The following PPP6R3 variants were observed in gnomAD, a reference collection of about 807,000 sequenced individuals.
The protein encoded by PPP6R3 is serine/threonine-protein phosphatase 6 regulatory subunit 3.
A neutral mutation model predicts 110.7 loss-of-function variants in PPP6R3; 38 were observed. The ratio of observed to expected loss-of-function variants is 0.34; its 90% CI spans 0.26 to 0.45. PPP6R3 has a LOEUF of 0.45. Ranked by LOEUF, PPP6R3 falls within the 20% of genes least tolerant of loss-of-function variation. PPP6R3 has a pLI of 1.00. For synonymous variants in PPP6R3, 369 were observed against 373.5 expected (o/e 0.99, Z 0.14); for missense variants, 870 against 1,062.4 (o/e 0.82, Z 2.52).
chr11:68,573,134 A>ATATATATATATATG (rs1555173986), intron 12 of PPP6R3, among the ~76,000 whole-genome samples: 5 of 109,450 alleles, frequency 4.6e-5, no homozygotes, highest in African/African-American at 2.0e-4. Flanking sequence ...ATATATATAT[A>ATATATATATATATG]TATATATATA....
chr11:68,549,246 C>T (rs573571481), intron 5 of PPP6R3, among the ~76,000 whole-genome samples: 4 of 152,324 alleles, frequency 2.6e-5, no homozygotes, highest in Non-Finnish European at 5.9e-5. Flanking sequence ...TCAGTCTATC[C>T]GTCTTTAATA....
intron 1 of PPP6R3, among the ~76,000 whole-genome samples, chr11:68,480,534 G>A (rs1322950018): frequency 2.0e-5 from 3 of 152,208 alleles, no homozygotes; most frequent in Non-Finnish European, 4.4e-5. Flanking sequence ...GTTTTTATCA[G>A]CCTAGCTTTG....
chr11:68,537,362 G>A (rs982605611), intron 2 of PPP6R3, among the ~76,000 whole-genome samples: 25 of 152,064 alleles, frequency 1.6e-4, no homozygotes, highest in African/African-American at 5.6e-4. Context: ...TCCTTTCCCA[G>A]CATCACTTCT....
intron 1 of PPP6R3, among the ~76,000 whole-genome samples, chr11:68,475,866 C>T (rs542984147): frequency 3.4e-5 from 5 of 147,330 alleles, no homozygotes; most frequent in East Asian, 4.1e-4. Context: ...CAGATGGGAT[C>T]GCGGACGGGC....
intron 1 of PPP6R3, among the ~76,000 whole-genome samples, chr11:68,461,345 G>A (rs1242420741): frequency 6.6e-6 from 1 of 152,142 alleles, no homozygotes; most frequent in African/African-American, 2.4e-5. Flanking sequence ...AAGTTTTGTG[G>A]GTTTCTGTTA....
rs186744682 is a variant in PPP6R3, at chr11:68,594,011, C to G, written c.1917-2086C>G. On this transcript the variant is annotated intron_variant, in intron 18 of 23. Coordinates refer to ENST00000393800, the MANE Select transcript of PPP6R3 (RefSeq NM_001164161.2). Reference sequence around the variant, plus strand: ...AAAAAATGAGGCCTAATTAATGCTGCCTATGGGAAATGATTTAAATACAAA... The same window carrying G: ...AAAAAATGAGGCCTAATTAATGCTGGCTATGGGAAATGATTTAAATACAAA... Among the ~76,000 whole-genome samples, 262 of 151,954 alleles carry G rather than the reference C, an allele frequency of 1.7e-3. 1 individual carries two copies. The highest frequency in any genetic ancestry group is 6.0e-3 in the African/African-American group (249 of 41,436).
intron 1 of PPP6R3, among the ~76,000 whole-genome samples, chr11:68,516,064 T>C (rs973821958): frequency 6.6e-6 from 1 of 152,226 alleles, no homozygotes; most frequent in East Asian, 1.9e-4. Context: ...TACATAGTCT[T>C]CTGCCTTTAT....
At chr11:68,564,942 A>G (rs1302028320) in intron 9 of PPP6R3, among the ~76,000 whole-genome samples, 1 of 152,196 alleles carries the variant, frequency 6.6e-6, no homozygotes, top group Non-Finnish European at 1.5e-5. Flanking sequence ...AAGACCCACA[A>G]GAGTTTTGTC....
intron 2 of PPP6R3, among the ~76,000 whole-genome samples, chr11:68,529,342 C>G (rs1209731019): frequency 6.6e-6 from 1 of 152,138 alleles, no homozygotes; most frequent in Non-Finnish European, 1.5e-5. Context: ...CCTCAACCTC[C>G]CAAGTAGCTG....
chr11:68,569,180 T>C lies in PPP6R3; in HGVS notation c.1129-568T>C, dbSNP rs185135228. On this transcript the variant is annotated intron_variant, in intron 10 of 23. Transcript: ENST00000393800. Reference sequence around the variant, plus strand: ...AGAAACGTACTCTTGTCTTTGTATGTTTGTTGTTGGTTTTTTACTAGATTC... The same window carrying C: ...AGAAACGTACTCTTGTCTTTGTATGCTTGTTGTTGGTTTTTTACTAGATTC... 1.5e-4 allele frequency among the ~76,000 whole-genome samples: 23 copies of C among 152,250 alleles called. No individual in the cohort carries two copies. The East Asian group carries it at 2.1e-3, about 14-fold the overall frequency.
At chr11:68,508,040 TAA>T (rs61408383) in intron 1 of PPP6R3, among the ~76,000 whole-genome samples, 56,945 of 142,432 alleles carry the variant, frequency 0.4, 12,166 homozygotes, top group African/African-American at 0.58. Flanking sequence ...ACCTCATGTG[TAA>T]AAAAAAAAAA....
At position 68,551,117 on chromosome 11, in the gene PPP6R3, A is replaced by G; in HGVS notation, c.553-4A>G. 1 of 1,598,496 alleles carries G rather than the reference A, an allele frequency of 6.3e-7. No homozygotes were observed. The highest frequency in any genetic ancestry group is 1.3e-5 in the African/African-American group (1 of 74,654). ...TATGATTACTTCTACAATGTGTTTT[A>G]CAGTGGTTAAATGAGGAGAAAATTA... On this transcript the variant is annotated splice_polypyrimidine_tract_variant and splice_region_variant and intron_variant, in intron 5 of 23. Coordinates refer to ENST00000393800, the MANE Select transcript of PPP6R3 (RefSeq NM_001164161.2).
intron 2 of PPP6R3, among the ~76,000 whole-genome samples, chr11:68,531,721 G>T (rs1157488152): frequency 6.6e-6 from 1 of 152,160 alleles, no homozygotes; most frequent in African/African-American, 2.4e-5. Context: ...GCCTGAGTGT[G>T]TGTATGTTGG....
At chr11:68,571,324 C>T (rs2099505492) in intron 12 of PPP6R3, 9 of 549,300 alleles carry the variant, frequency 1.6e-5, no homozygotes, top group Middle Eastern at 5.4e-4. Flanking sequence ...CAAGTGAGTT[C>T]GGAGTGTTCC....
chr11:68,467,668 A>G (rs984979244), intron 1 of PPP6R3, among the ~76,000 whole-genome samples: 7 of 152,224 alleles, frequency 4.6e-5, no homozygotes, highest in African/African-American at 1.2e-4. Context: ...TGGTCCTCAG[A>G]TGGGCGTAGC....
In PPP6R3 at chr11:68,591,564, A is replaced by C; in HGVS notation, c.1786-12A>C. 2 of 1,575,940 alleles carry C rather than the reference A, an allele frequency of 1.3e-6. No individual in the cohort carries two copies. Among genetic ancestry groups the C allele is most frequent in the Non-Finnish European group, 1.7e-6 (2 of 1,163,268 alleles). On this transcript the variant is annotated splice_polypyrimidine_tract_variant and intron_variant, in intron 17 of 23. Coordinates refer to ENST00000393800, the MANE Select transcript of PPP6R3 (RefSeq NM_001164161.2). The stretch of plus-strand genomic sequence containing the variant: ...TTTATTTTGTTGTTTTTTTCCTCTC[A>C]TTTTTATTTAGGGAAATATTGCCTT...
At position 68,588,010 on chromosome 11, in the gene PPP6R3, A is replaced by G. The variant is rs780638337; in HGVS notation, c.1716A>G (p.Gln572=). ...FGFNDEKFAD[Q]DDIGNVSFDR... ...TCAACGATGAGAAGTTTGCAGATCAAGATGACATTGGCAAGTGAGTATGTT... is the reference window on the plus strand; with the variant it reads ...TCAACGATGAGAAGTTTGCAGATCAGGATGACATTGGCAAGTGAGTATGTT... Residue 572 remains glutamine, a synonymous_variant, in exon 16 of 24, where the codon CAA becomes CAG. Transcript: ENST00000393800. 4 of 1,613,914 alleles carry G rather than the reference A, an allele frequency of 2.5e-6. No homozygotes were observed. Among genetic ancestry groups the G allele is most frequent in the East Asian group, 2.2e-5 (1 of 44,888 alleles).
At chr11:68,586,738 A>G (rs1043412907) in intron 15 of PPP6R3, 2 of 152,260 alleles carry the variant, frequency 1.3e-5, no homozygotes, top group Admixed American at 6.5e-5. Flanking sequence ...ATTATCTGCA[A>G]TAATTATCCA....
chr11:68,562,532 G>A (rs1384711723), intron 8 of PPP6R3, among the ~76,000 whole-genome samples: 3 of 152,180 alleles, frequency 2.0e-5, no homozygotes, highest in South Asian at 2.1e-4. Flanking sequence ...AATACAAAGC[G>A]ACAGCAATCA....
Sources: gnomAD v4.1 joint callset for allele counts (sites outside exome capture counted in the v4.1 genomes callset) on GRCh38, gnomAD v4.1.1 for gene constraint, MANE v1.5 for transcripts, NCBI Gene and HGNC (gene_info 2026-07-23, HGNC 2026-07-21) for gene names.